Variants in CA4 observed in about 807,000 individuals in gnomAD.
The protein encoded by CA4 is CA-IV.
A neutral mutation model predicts 34.5 loss-of-function variants in CA4; 24 were observed. That is an observed-to-expected ratio of 0.70 (90% confidence interval 0.50 to 0.98). The LOEUF (loss-of-function observed/expected upper bound fraction) is 0.98. Among genes scored for constraint, CA4 ranks in the 50% least tolerant of loss-of-function variants. CA4 has a pLI of 0.00. For synonymous variants in CA4, 178 were observed against 170.6 expected (o/e 1.04, Z -0.34); for missense variants, 394 against 396.7 (o/e 0.99, Z 0.06).
At chr17:60,163,617 C>T (rs1400820644), downstream of CA4, among the ~76,000 whole-genome samples, 3 of 152,176 alleles carry the variant, frequency 2.0e-5, no homozygotes, top group Non-Finnish European at 2.9e-5. Flanking sequence ...GGACAAAGGA[C>T]GATGTCCAAG....
At chr17:60,159,201 C>G (rs768900579) in intron 7 of CA4, 29 bp from the exon 8 acceptor site, 3 of 1,571,370 alleles carry the variant, frequency 1.9e-6, no homozygotes, top group Non-Finnish European at 2.6e-6. Flanking sequence ...CCCCCTGCCC[C>G]GACCTGCTGA....
chr17:60,164,271 C>T (rs183409018), downstream of CA4, among the ~76,000 whole-genome samples: 56 of 148,294 alleles, frequency 3.8e-4, no homozygotes, highest in African/African-American at 1.4e-3. Flanking sequence ...TTCCGTCCTT[C>T]CCTCCCTCCC....
chr17:60,151,629 G>A (rs1287797694), intron 1 of CA4: 8 of 152,140 alleles, frequency 5.3e-5, no homozygotes, highest in South Asian at 2.1e-4. Context: ...TGATTAGTGC[G>A]GTGCCTGTGT....
intron 3 of CA4, 103 bp from the exon 4 acceptor site, chr17:60,157,324 T>C (rs1045052809): frequency 3.8e-6 from 5 of 1,323,524 alleles, no homozygotes; most frequent in Non-Finnish European, 4.3e-6. Context: ...TCATGAAGGT[T>C]GGGAGGCAGG....
intron 7 of CA4, chr17:60,158,746 C>T: frequency 2.0e-6 from 1 of 491,188 alleles, no homozygotes; most frequent in South Asian, 2.1e-5. Flanking sequence ...CAAATCCCTA[C>T]CCTTGCACTG....
downstream of CA4, among the ~76,000 whole-genome samples, chr17:60,172,325 CTCTTCT>C (rs2083917949): frequency 6.6e-6 from 1 of 152,198 alleles, no homozygotes; most frequent in African/African-American, 2.4e-5. Context: ...CTGTCCAGAG[CTCTTCT>C]AGGTTTTCCC....
rs747857532 is a variant in CA4 at position 60,158,426 on chromosome 17, A to C, written c.724A>C (p.Ile242Leu). 6.2e-7 allele frequency: 1 copy of C among 1,613,918 alleles called. No individual in the cohort carries two copies. The highest frequency in any genetic ancestry group is 8.5e-7 in the Non-Finnish European group (1 of 1,180,018). Residue 242 changes from isoleucine (I) to leucine (L), a missense_variant, in exon 7 of 8, where the codon ATT becomes CTT. Physicochemically the swap from Ile to Leu is conservative, Grantham distance 5. Transcript: ENST00000300900. ...KVVWTVFREP[I>L]QLHREQILAF... ...CGTCTGGACTGTGTTCCGGGAGCCC[A>C]TTCAGCTTCACAGAGAACAGGTGCA... is the stretch of plus-strand genomic sequence containing the variant.
intron 7 of CA4, 93 bp downstream of exon 7, chr17:60,158,539 G>A: frequency 7.6e-7 from 1 of 1,310,388 alleles, no homozygotes; most frequent in Non-Finnish European, 1.1e-6. Context: ...TCAGGATACA[G>A]GTGGGGAGCC....
At chr17:60,165,597 C>T (rs2145300994) in intron 5 of CA4, among the ~76,000 whole-genome samples, 1 of 152,232 alleles carries the variant, frequency 6.6e-6, no homozygotes, top group Middle Eastern at 3.4e-3. Context: ...GCTTCCTCTC[C>T]CCCTTCCCCA....
At chr17:60,175,786 A>G (rs1433955872), downstream of CA4, among the ~76,000 whole-genome samples, 1 of 149,596 alleles carries the variant, frequency 6.7e-6, no homozygotes, top group African/African-American at 2.5e-5. Flanking sequence ...ACAAGCTGCC[A>G]CTGCTGCTGA....
chr17:60,150,654 TAAAAAAAAAAAAAAAAAAAAA>T (rs66850461), intron 1 of CA4, among the ~76,000 whole-genome samples: 432 of 33,954 alleles, frequency 0.013, 18 homozygotes, highest in Admixed American at 0.037. Flanking sequence ...GTGCTCCGTT[TAAAAAAAAAAAAAAAAAAAAA>T]AAAAAAAAAA....
downstream of CA4, among the ~76,000 whole-genome samples, chr17:60,173,005 T>C (rs944938136): frequency 1.3e-5 from 2 of 151,958 alleles, no homozygotes; most frequent in African/African-American, 4.8e-5. Context: ...TAGCTGGGTG[T>C]GGTGGCTCAT....
chr17:60,156,444 C>G, intron 2 of CA4, 116 bp from the exon 3 acceptor site: 1 of 1,045,540 alleles, frequency 9.6e-7, no homozygotes, highest in Non-Finnish European at 1.5e-6. Context: ...CTTCAGGCCA[C>G]CCCAAAGCGT....
chr17:60,163,327 T>A (rs2083815245), downstream of CA4, among the ~76,000 whole-genome samples: 1 of 152,040 alleles, frequency 6.6e-6, no homozygotes, highest in African/African-American at 2.4e-5. Flanking sequence ...TGAGCTTGTG[T>A]GTGTGTTGGG....
Position 60,156,576 on chromosome 17 carries a change from T to A in CA4, c.129T>A (p.Gly43=). Residue 43 remains glycine (G), a synonymous_variant, in exon 3 of 8, where the codon GGT becomes GGA. Coordinates refer to ENST00000300900, the MANE Select transcript of CA4 (RefSeq NM_000717.5). Reference sequence around the variant, plus strand: ...CCTGCTCAGTGCCAGTCAAGTGGGGTGGAAACTGCCAGAAGGACCGCCAGT... The same window carrying A: ...CCTGCTCAGTGCCAGTCAAGTGGGGAGGAAACTGCCAGAAGGACCGCCAGT... ...NYPCLVPVKW[G]GNCQKDRQSP... is the part of the protein sequence containing the mutation. 1 of 1,614,108 alleles carries A rather than the reference T, an allele frequency of 6.2e-7. No individual in the cohort carries two copies.
At chr17:60,178,508 C>T in the CA4 span, among the ~76,000 whole-genome samples, 7 of 152,126 alleles carry the variant, frequency 4.6e-5, no homozygotes, top group Non-Finnish European at 8.8e-5. Context: ...CTGGGAGGGC[C>T]ATGGTAGCTG....
chr17:60,175,032 C>G (rs1261665015), downstream of CA4, among the ~76,000 whole-genome samples: 1 of 151,992 alleles, frequency 6.6e-6, no homozygotes, highest in Non-Finnish European at 1.5e-5. Flanking sequence ...TAGGCCAGTC[C>G]TTCCGAGGCT....
chr17:60,158,117 C>G lies in CA4; in HGVS notation c.570C>G (p.Ile190Met), dbSNP rs372013244. 1.2e-5 allele frequency: 20 copies of G among 1,613,934 alleles called. No individual in the cohort carries two copies. The African/African-American group carries it at 2.5e-4, about 20-fold the overall frequency. Residue 190 changes from isoleucine to methionine, a missense_variant, in exon 6 of 8, where the codon ATC becomes ATG. Ile to Met is a conservative substitution (Grantham distance 10, BLOSUM62 1). Coordinates refer to ENST00000300900, the MANE Select transcript of CA4 (RefSeq NM_000717.5). ...FQPLVEALSN[I>M]PKPEMSTTMA... is the part of the protein sequence containing the mutation. ...CACTGGTGGAGGCACTGTCTAATAT[C>G]CCCAAACCTGGTGAGTCAGGATGGG...
intron 1 of CA4, among the ~76,000 whole-genome samples, chr17:60,154,255 TG>T (rs1349472551): frequency 3.7e-5 from 1 of 26,792 alleles, no homozygotes; most frequent in Non-Finnish European, 7.6e-5. Flanking sequence ...GTGGGAGGGG[TG>T]GGGGGGAGGG....
Sources: gnomAD v4.1 joint callset for allele counts (sites outside exome capture counted in the v4.1 genomes callset) on GRCh38, gnomAD v4.1.1 for gene constraint, MANE v1.5 for transcripts, NCBI Gene and HGNC (gene_info 2026-07-23, HGNC 2026-07-21) for gene names.